Variants in CHFR observed in about 807,000 individuals in gnomAD.
The protein encoded by CHFR is E3 ubiquitin-protein ligase CHFR.
In CHFR, 57 loss-of-function variants were observed where a neutral mutation model predicts 87.6. The observed-to-expected ratio is 0.65, with a 90% CI of 0.53 to 0.81. The LOEUF (loss-of-function observed/expected upper bound fraction) is 0.81, where lower values mean the gene tolerates loss of function less well. Among genes scored for constraint, CHFR ranks in the 30% least tolerant of loss-of-function variants. The probability of loss-of-function intolerance (pLI) is 0.00; values close to 1 mark genes in which losing one functional copy is unlikely to be tolerated. For missense variants in CHFR, 797 were observed against 865.8 expected, an observed-to-expected ratio of 0.92 and a Z score of 1.00; for synonymous variants, 381 against 359.2, an observed-to-expected ratio of 1.06 and a Z score of -0.69.
chr12:132,860,024 G>A (rs1951179623), intron 7 of CHFR, among the ~76,000 whole-genome samples: 1 of 152,138 alleles, frequency 6.6e-6, no homozygotes, highest in Non-Finnish European at 1.5e-5. Flanking sequence ...TGGCCTAGGT[G>A]ACAAAGCAAG....
At chr12:132,864,273 C>G (rs565505496) in intron 6 of CHFR, among the ~76,000 whole-genome samples, 1 of 152,170 alleles carries the variant, frequency 6.6e-6, no homozygotes, top group South Asian at 2.1e-4. Flanking sequence ...AGGAAAGAGA[C>G]AGCCTGTGGG....
At position 132,836,563 on chromosome 12, in the gene CHFR, C is replaced by G. The variant is rs564803571; in HGVS notation, c.*4991G>C. On this transcript the variant is annotated 3_prime_UTR_variant, in exon 18 of 18. Coordinates refer to ENST00000450056, the MANE Select transcript of CHFR (RefSeq NM_001161346.2). Reference sequence around the variant, plus strand: ...GCACGGCGCACGGCACTCACAGTGACAGGCTCCCAGCACGGCGCACGGCAC... The same window carrying G: ...GCACGGCGCACGGCACTCACAGTGAGAGGCTCCCAGCACGGCGCACGGCAC... The G allele has an allele frequency of 8.1e-4, 349 of 433,502 alleles. 3 individuals carry two copies. Among genetic ancestry groups the G allele is most frequent in the African/African-American group, 6.7e-3 (331 of 49,410 alleles). 26.9% of individuals were successfully genotyped at this position (433,502 alleles called of 1,614,324 possible).
chr12:132,836,913 C>T lies in CHFR; in HGVS notation c.*4641G>A. On this transcript the variant is annotated 3_prime_UTR_variant, in exon 18 of 18. Transcript: ENST00000450056. ...ACAACAGTGGGCAGACAGGCAAGAT[C>T]CCTGCTCTATTTTTTTGAGAGGGGG... 2 of 374,118 alleles carry T rather than the reference C, an allele frequency of 5.3e-6. No homozygotes were observed. Among genetic ancestry groups the T allele is most frequent in the East Asian group, 7.2e-5 (1 of 13,798 alleles). The allele number at this position is 374,118 out of a possible 1,614,324, so 23.2% of individuals were successfully genotyped here. A position where few individuals can be genotyped will look rare whatever the true frequency, so the allele number is the denominator to read the frequency against.
chr12:132,835,925 C>T lies in CHFR; in HGVS notation c.*5629G>A. On this transcript the variant is annotated 3_prime_UTR_variant, in exon 18 of 18. Coordinates refer to ENST00000450056, the MANE Select transcript of CHFR (RefSeq NM_001161346.2). Reference sequence around the variant, plus strand: ...GGCTCCCAGCACGGCGCACGGCACTCACAGTGACAGGCTCCCAGCACGGCG... The same window carrying T: ...GGCTCCCAGCACGGCGCACGGCACTTACAGTGACAGGCTCCCAGCACGGCG... The T allele has an allele frequency of 4.9e-6, 1 of 204,006 alleles. No homozygotes were observed. The highest frequency in any genetic ancestry group is 8.8e-6 in the Non-Finnish European group (1 of 113,536). The allele number at this position is 204,006 out of a possible 1,614,324, so 12.6% of individuals were successfully genotyped here.
chr12:132,841,974 G>C (rs1185686204), intron 17 of CHFR, among the ~76,000 whole-genome samples: 1 of 152,040 alleles, frequency 6.6e-6, no homozygotes, highest in Non-Finnish European at 1.5e-5. Flanking sequence ...GCCTGATGTG[G>C]TGGCGAGCAC....
intron 10 of CHFR, among the ~76,000 whole-genome samples, chr12:132,855,695 T>C (rs1038317085): frequency 6.6e-6 from 1 of 152,198 alleles, no homozygotes; most frequent in African/African-American, 2.4e-5. Context: ...AATTTGTTAG[T>C]ACATTACATT....
At chr12:132,856,239 C>A (rs973507194) in intron 10 of CHFR, among the ~76,000 whole-genome samples, 12 of 152,224 alleles carry the variant, frequency 7.9e-5, no homozygotes, top group Non-Finnish European at 1.6e-4. Flanking sequence ...CTGCTGGCTA[C>A]CCCCTGGCTA....
chr12:132,841,123 C>G lies in CHFR; in HGVS notation c.*431G>C, dbSNP rs1950697422. On this transcript the variant is annotated 3_prime_UTR_variant, in exon 18 of 18. Transcript: ENST00000450056. ...CCAGCAGCAGGATATTGTGTACGTCCTGTAGGCTGTAAACTTATGCTCCCT... is the reference window on the plus strand; with the variant it reads ...CCAGCAGCAGGATATTGTGTACGTCGTGTAGGCTGTAAACTTATGCTCCCT... 6.0e-6 allele frequency: 1 copy of G among 167,560 alleles called. No homozygotes were observed. Among genetic ancestry groups the G allele is most frequent in the African/African-American group, 2.4e-5 (1 of 41,738 alleles). 10.4% of individuals were successfully genotyped at this position (167,560 alleles called of 1,614,324 possible). A position where few individuals can be genotyped will look rare whatever the true frequency, so the allele number is the denominator to read the frequency against.
rs200755284 is a variant in CHFR, at chr12:132,851,608, G to A, written c.1492+10C>T. The A allele has an allele frequency of 1.8e-4, 293 of 1,603,692 alleles. No individual in the cohort carries two copies. The highest frequency in any genetic ancestry group is 2.3e-4 in the Non-Finnish European group (268 of 1,175,080). On this transcript the variant is annotated intron_variant, in intron 12 of 17. Transcript: ENST00000450056. ...GGAACCCGCCTGCGTGCGGTGGCGC[G>A]GGCACTCACACTGCTGAGGGGCGAC...
At chr12:132,851,782 A>G in intron 11 of CHFR, 45 bp from the exon 12 acceptor site, 1 of 1,582,584 alleles carries the variant, frequency 6.3e-7, no homozygotes, top group Non-Finnish European at 8.6e-7. Context: ...GACCCAGGGC[A>G]GAAAGACAGC....
chr12:132,876,850 A>G (rs771018747), intron 3 of CHFR, among the ~76,000 whole-genome samples: 11 of 152,218 alleles, frequency 7.2e-5, no homozygotes, highest in Non-Finnish European at 1.5e-4. Context: ...GCTGGAGTGC[A>G]GTGGTGCCAT....
chr12:132,864,234 G>A (rs528759811), intron 6 of CHFR, among the ~76,000 whole-genome samples: 7 of 150,936 alleles, frequency 4.6e-5, no homozygotes, highest in African/African-American at 1.7e-4. Context: ...GAATAGTTTT[G>A]GGGACAAACC....
chr12:132,858,653 G>A (rs563511087), intron 8 of CHFR, among the ~76,000 whole-genome samples: 128 of 141,476 alleles, frequency 9.0e-4, no homozygotes, highest in African/African-American at 3.0e-3. Flanking sequence ...GTCTGAACCC[G>A]GGAGGCTGAG....
At chr12:132,842,361 T>TC (rs1566172286) in intron 17 of CHFR, among the ~76,000 whole-genome samples, 1 of 152,252 alleles carries the variant, frequency 6.6e-6, no homozygotes, top group Non-Finnish European at 1.5e-5. Context: ...CAACATGGTC[T>TC]CTTCCATGTG....
At chr12:132,887,413 G>A in intron 1 of CHFR, 73 bp from the exon 2 acceptor site, 3 of 1,127,908 alleles carry the variant, frequency 2.7e-6, no homozygotes, top group Non-Finnish European at 2.2e-6. Flanking sequence ...GCCCCACCCC[G>A]CGGGCCCCGG....
intron 3 of CHFR, among the ~76,000 whole-genome samples, chr12:132,873,735 G>C (rs1309932778): frequency 1.3e-5 from 2 of 152,054 alleles, no homozygotes; most frequent in Non-Finnish European, 2.9e-5. Context: ...TGGCTACGGG[G>C]CTAGAGTGTG....
In CHFR at chr12:132,833,512, T is replaced by C. The variant is rs1417631383; in HGVS notation, c.*8042A>G. 6.6e-6 allele frequency: 1 copy of C among 152,226 alleles called. No individual in the cohort carries two copies. The highest frequency in any genetic ancestry group is 2.4e-5 in the African/African-American group (1 of 41,462). The allele number at this position is 152,226 out of a possible 1,614,324, so 9.4% of individuals were successfully genotyped here. ...TGAGGGAGGACTTCTCAGGAGAATG[T>C]GAGCCAACAAGTAAGAAACGGAGTT... On this transcript the variant is annotated 3_prime_UTR_variant, in exon 18 of 18. Coordinates refer to ENST00000450056, the MANE Select transcript of CHFR (RefSeq NM_001161346.2).
At position 132,841,353 on chromosome 12, in the gene CHFR, G is replaced by C; in HGVS notation, c.*201C>G. 1 of 572,560 alleles carries C rather than the reference G, an allele frequency of 1.7e-6. No individual in the cohort carries two copies. Among genetic ancestry groups the C allele is most frequent in the Non-Finnish European group, 3.1e-6 (1 of 322,298 alleles). 35.5% of individuals were successfully genotyped at this position (572,560 alleles called of 1,614,324 possible). A position where few individuals can be genotyped will look rare whatever the true frequency, so the allele number is the denominator to read the frequency against. Reference sequence around the variant, plus strand: ...CTGCCCAGCGCTCACCAGGAGGGCGGGCTGCGGCCCCCGGGGCTCTGGGGA... The same window carrying C: ...CTGCCCAGCGCTCACCAGGAGGGCGCGCTGCGGCCCCCGGGGCTCTGGGGA... On this transcript the variant is annotated 3_prime_UTR_variant, in exon 18 of 18. Coordinates refer to ENST00000450056, the MANE Select transcript of CHFR (RefSeq NM_001161346.2).
chr12:132,886,114 C>T (rs772840510), intron 2 of CHFR, among the ~76,000 whole-genome samples: 6 of 152,120 alleles, frequency 3.9e-5, no homozygotes, highest in Non-Finnish European at 7.3e-5. Context: ...TTGTTCAAGA[C>T]CAGCCTGGGC....
Sources: allele counts gnomAD v4.1 joint callset (sites outside exome capture counted in the v4.1 genomes callset), GRCh38; gene constraint gnomAD v4.1.1; transcripts MANE v1.5; gene names NCBI Gene and HGNC (gene_info 2026-07-23, HGNC 2026-07-21).